The following ELOVL5 variants were observed in gnomAD, a reference collection of about 807,000 sequenced individuals.
ELOVL5 encodes the protein ELOVL fatty acid elongase 5, also known as very long chain fatty acid elongase 5.
ELOVL5 carries 8 observed loss-of-function variants against 38.6 expected under a neutral mutation model. The observed-to-expected ratio is 0.21, with a 90% CI of 0.12 to 0.37. The LOEUF (loss-of-function observed/expected upper bound fraction) is 0.37. Among genes scored for constraint, ELOVL5 ranks in the 10% least tolerant of loss-of-function variants. The pLI is 1.00. For synonymous variants in ELOVL5, 127 were observed against 133.7 expected, an observed-to-expected ratio of 0.95 and a Z score of 0.34; for missense variants, 280 against 367.8, an observed-to-expected ratio of 0.76 and a Z score of 1.95.
At chr6:53,336,294 A>G (rs891169659) in intron 1 of ELOVL5, among the ~76,000 whole-genome samples, 2 of 152,174 alleles carry the variant, frequency 1.3e-5, no homozygotes, top group African/African-American at 4.8e-5. Context: ...ACTGAGGCAG[A>G]TAAGCTCTGT....
At chr6:53,308,991 T>C (rs528983218) in intron 1 of ELOVL5, among the ~76,000 whole-genome samples, 2 of 152,196 alleles carry the variant, frequency 1.3e-5, no homozygotes, top group African/African-American at 4.8e-5. Context: ...TCAAACACTG[T>C]GTGACATGGT....
At chr6:53,332,298 G>T (rs573324839) in intron 1 of ELOVL5, among the ~76,000 whole-genome samples, 2 of 152,318 alleles carry the variant, frequency 1.3e-5, no homozygotes, top group South Asian at 4.1e-4. Context: ...AGCCAAACAG[G>T]AGTGAGGTGA....
chr6:53,308,633 G>A (rs906258943), intron 1 of ELOVL5, among the ~76,000 whole-genome samples: 3 of 152,010 alleles, frequency 2.0e-5, no homozygotes, highest in Non-Finnish European at 4.4e-5. Flanking sequence ...TGAAAAGATC[G>A]TTAGGTAATT....
rs563361339 is a variant in ELOVL5 at position 53,275,496 on chromosome 6, A to G, written c.325-235T>C. On this transcript the variant is annotated intron_variant, in intron 4 of 7. Transcript: ENST00000304434. ...GAGGGGTTTGAAATGACTACAGGGA[A>G]TATTTTTGAAAGGGTCCCTGACACT... Among the ~76,000 whole-genome samples the G allele has an allele frequency of 3.3e-5, 5 of 152,294 alleles. No individual in the cohort carries two copies. The South Asian group carries it at 8.3e-4, about 25-fold the overall frequency.
intron 3 of ELOVL5, among the ~76,000 whole-genome samples, chr6:53,284,464 T>C (rs1346603): frequency 0.59 from 89,364 of 151,990 alleles, 28,707 homozygotes; most frequent in African/African-American, 0.87. Flanking sequence ...ATGGTAAACA[T>C]CTATGGGTAA....
intron 1 of ELOVL5, among the ~76,000 whole-genome samples, chr6:53,304,287 C>G (rs1428356361): frequency 1.3e-5 from 2 of 152,176 alleles, no homozygotes; most frequent in Admixed American, 6.5e-5. Flanking sequence ...TCGGGGAAAA[C>G]TTTCTCAGTG....
chr6:53,341,998 G>A (rs879311944), intron 1 of ELOVL5, among the ~76,000 whole-genome samples: 6 of 152,148 alleles, frequency 3.9e-5, no homozygotes, highest in African/African-American at 1.2e-4. Flanking sequence ...GTGGAACCCC[G>A]CATAGGTGCA....
chr6:53,326,673 T>C (rs914204625), intron 1 of ELOVL5, among the ~76,000 whole-genome samples: 1 of 152,124 alleles, frequency 6.6e-6, no homozygotes, highest in Non-Finnish European at 1.5e-5. Flanking sequence ...AAATACAAAT[T>C]ATTTAACCTG....
chr6:53,347,501 T>C (rs151194676), intron 1 of ELOVL5, among the ~76,000 whole-genome samples: 27 of 152,312 alleles, frequency 1.8e-4, no homozygotes, highest in African/African-American at 6.3e-4. Flanking sequence ...GCAAAACAAG[T>C]GCAGACCAAC....
chr6:53,305,832 C>A (rs979749861), intron 1 of ELOVL5, among the ~76,000 whole-genome samples: 1 of 152,140 alleles, frequency 6.6e-6, no homozygotes, highest in Admixed American at 6.5e-5. Context: ...AATCTCCGCA[C>A]TTTGTGGGGC....
At chr6:53,275,315 A>T in intron 4 of ELOVL5, 54 bp from the exon 5 acceptor site, 1 of 1,565,992 alleles carries the variant, frequency 6.4e-7, no homozygotes. Flanking sequence ...TCTCTGGAAT[A>T]TCACCTCTGA....
At chr6:53,324,685 A>AC (rs1392265707) in intron 1 of ELOVL5, among the ~76,000 whole-genome samples, 1 of 150,574 alleles carries the variant, frequency 6.6e-6, no homozygotes, top group African/African-American at 2.5e-5. Flanking sequence ...AAAAAAAAAA[A>AC]AAAAAAGGAA....
At chr6:53,310,268 A>T (rs1434910758) in intron 1 of ELOVL5, among the ~76,000 whole-genome samples, 1 of 152,240 alleles carries the variant, frequency 6.6e-6, no homozygotes, top group Non-Finnish European at 1.5e-5. Context: ...GCCTGAGACA[A>T]GGGATCTAAC....
chr6:53,316,120 C>T (rs1047278145), intron 1 of ELOVL5, among the ~76,000 whole-genome samples: 1 of 152,178 alleles, frequency 6.6e-6, no homozygotes, highest in African/African-American at 2.4e-5. Context: ...ACAAACACCT[C>T]AATTCGTGGC....
At chr6:53,270,208 A>G (rs953610323) in intron 7 of ELOVL5, among the ~76,000 whole-genome samples, 6 of 152,232 alleles carry the variant, frequency 3.9e-5, no homozygotes, top group Admixed American at 2.6e-4. Flanking sequence ...GCAGATCTCC[A>G]TATCTGAGGA....
chr6:53,305,393 T>C (rs1767470585), intron 1 of ELOVL5, among the ~76,000 whole-genome samples: 1 of 138,598 alleles, frequency 7.2e-6, no homozygotes, highest in African/African-American at 2.8e-5. Flanking sequence ...CCCCCCCACC[T>C]CCCTCCCGGG....
At chr6:53,306,018 A>G (rs1419559547) in intron 1 of ELOVL5, among the ~76,000 whole-genome samples, 1 of 151,726 alleles carries the variant, frequency 6.6e-6, no homozygotes, top group African/African-American at 2.4e-5. Context: ...CCCGGCCAAC[A>G]CAGCGAAACC....
At chr6:53,287,821 TC>T (rs1766629716) in intron 3 of ELOVL5, 15 of 1,504,098 alleles carry the variant, frequency 1.0e-5, no homozygotes, top group Non-Finnish European at 1.3e-5. Context: ...AACACAGTGT[TC>T]CTGGGGAATT....
chr6:53,318,477 T>A (rs1768146997), intron 1 of ELOVL5, among the ~76,000 whole-genome samples: 1 of 152,254 alleles, frequency 6.6e-6, no homozygotes, highest in African/African-American at 2.4e-5. Flanking sequence ...TATATTTACA[T>A]AAGTAAACAT....
Sources: gnomAD v4.1 joint callset for allele counts (sites outside exome capture counted in the v4.1 genomes callset) on GRCh38, gnomAD v4.1.1 for gene constraint, MANE v1.5 for transcripts, NCBI Gene and HGNC (gene_info 2026-07-23, HGNC 2026-07-21) for gene names.